The following TNIK variants were observed in gnomAD, a reference collection of about 807,000 sequenced individuals.
TNIK encodes TRAF2 and NCK interacting kinase.
In TNIK, 49 loss-of-function variants were observed where a neutral mutation model predicts 191.3. The ratio of observed to expected loss-of-function variants is 0.26; its 90% CI spans 0.20 to 0.32. The LOEUF (loss-of-function observed/expected upper bound fraction) is 0.32. Among genes scored for constraint, TNIK ranks in the 10% least tolerant of loss-of-function variants. The probability of loss-of-function intolerance (pLI) is 1.00; values close to 1 mark genes in which losing one functional copy is unlikely to be tolerated. For missense variants in TNIK, 1,155 were observed against 1,702.3 expected, an observed-to-expected ratio of 0.68 and a Z score of 5.66; for synonymous variants, 594 against 600.9, an observed-to-expected ratio of 0.99 and a Z score of 0.17.
chr3:171,409,849 T>C (rs1278439918), intron 1 of TNIK, among the ~76,000 whole-genome samples: 2 of 151,036 alleles, frequency 1.3e-5, no homozygotes, highest in African/African-American at 4.9e-5. Flanking sequence ...CAGTATATTA[T>C]GGGTTACCAT....
At chr3:171,224,606 G>A (rs1742756443) in intron 3 of TNIK, among the ~76,000 whole-genome samples, 1 of 152,122 alleles carries the variant, frequency 6.6e-6, no homozygotes, top group African/African-American at 2.4e-5. Flanking sequence ...GGCAGATTTT[G>A]AGGCTACCCC....
intron 2 of TNIK, among the ~76,000 whole-genome samples, chr3:171,279,676 A>G (rs1024235968): frequency 9.9e-5 from 15 of 151,584 alleles, no homozygotes; most frequent in African/African-American, 3.4e-4. Flanking sequence ...ATTTTTTGAC[A>G]ATAGCAATGA....
In TNIK at chr3:171,293,421, G is replaced by C. The variant is rs986804206; in HGVS notation, c.124-65200C>G. 5.3e-5 allele frequency among the ~76,000 whole-genome samples: 8 copies of C among 152,198 alleles called. No homozygotes were observed. The South Asian group carries it at 6.2e-4, about 12-fold the overall frequency. ...TAGGATGTGCACCACTGGTAAACCA[G>C]ATGACTTAAGGTGACTGAGACAGAA... is the stretch of plus-strand genomic sequence containing the variant. On this transcript the variant is annotated intron_variant, in intron 2 of 32. Transcript: ENST00000436636.
chr3:171,390,179 T>C (rs908965394), intron 1 of TNIK, among the ~76,000 whole-genome samples: 8 of 152,128 alleles, frequency 5.3e-5, no homozygotes, highest in Non-Finnish European at 1.0e-4. Context: ...GAGCAAAGCC[T>C]AGTGAGTGAG....
rs185766917 is a variant in TNIK, at chr3:171,080,468, C to T, written c.3314-816G>A. Among the ~76,000 whole-genome samples, 767 of 151,596 alleles carry T rather than the reference C, an allele frequency of 5.1e-3. 1 individual carries two copies. Among genetic ancestry groups the T allele is most frequent in the Admixed American group, 7.9e-3 (120 of 15,240 alleles). On this transcript the variant is annotated intron_variant, in intron 27 of 32. Coordinates refer to ENST00000436636, the MANE Select transcript of TNIK (RefSeq NM_015028.4). ...ATTTTTTTTTGAGACATGAGTTTCACTTTTGTCGCCAAGGCCGGAGTCCAG... is the reference window on the plus strand; with the variant it reads ...ATTTTTTTTTGAGACATGAGTTTCATTTTTGTCGCCAAGGCCGGAGTCCAG...
At chr3:171,160,425 T>C (rs940036372) in intron 11 of TNIK, among the ~76,000 whole-genome samples, 1 of 151,852 alleles carries the variant, frequency 6.6e-6, no homozygotes, top group Non-Finnish European at 1.5e-5. Flanking sequence ...CTGATCCTTC[T>C]GGAGCATTAG....
intron 2 of TNIK, among the ~76,000 whole-genome samples, chr3:171,314,040 A>C (rs1270003429): frequency 2.4e-4 from 37 of 152,172 alleles, no homozygotes; most frequent in Admixed American, 2.4e-3. Context: ...GTTGCTCCAT[A>C]AATGTTTAAT....
chr3:171,130,866 A>G (rs941726884), intron 15 of TNIK, among the ~76,000 whole-genome samples: 1 of 152,200 alleles, frequency 6.6e-6, no homozygotes, highest in Non-Finnish European at 1.5e-5. Flanking sequence ...TTTTGGCTCT[A>G]AAATACACTG....
At chr3:171,323,041 G>C (rs1240636490) in intron 2 of TNIK, among the ~76,000 whole-genome samples, 2 of 152,062 alleles carry the variant, frequency 1.3e-5, no homozygotes, top group African/African-American at 4.8e-5. Context: ...CATAAATGAA[G>C]TTTAATTGGA....
chr3:171,251,801 A>G (rs942831989), intron 2 of TNIK, among the ~76,000 whole-genome samples: 4 of 152,214 alleles, frequency 2.6e-5, no homozygotes, highest in African/African-American at 4.8e-5. Context: ...GAAAAATAAT[A>G]TGGCTCATCT....
At position 171,069,746 on chromosome 3, in the gene TNIK, C is replaced by T. The variant is rs929876179; in HGVS notation, c.3550-749G>A. On this transcript the variant is annotated intron_variant, in intron 29 of 32. Transcript: ENST00000436636. Reference sequence around the variant, plus strand: ...ATTTTCCTTTGCTATTTTTTAACCACGCTCTACCTTTGGGCCTTGAGATCT... The same window carrying T: ...ATTTTCCTTTGCTATTTTTTAACCATGCTCTACCTTTGGGCCTTGAGATCT... Among the ~76,000 whole-genome samples, 10 of 152,222 alleles carry T rather than the reference C, an allele frequency of 6.6e-5. No homozygotes were observed. The East Asian group carries it at 7.7e-4, about 12-fold the overall frequency.
At chr3:171,293,942 C>T (rs555308529) in intron 2 of TNIK, among the ~76,000 whole-genome samples, 6 of 151,952 alleles carry the variant, frequency 3.9e-5, no homozygotes, top group African/African-American at 9.7e-5. Context: ...TAAAACTGGC[C>T]GGCTGGGCGC....
At chr3:171,250,668 T>C (rs2109080518) in intron 2 of TNIK, among the ~76,000 whole-genome samples, 1 of 152,330 alleles carries the variant, frequency 6.6e-6, no homozygotes, top group African/African-American at 2.4e-5. Context: ...TCACTGGCTG[T>C]GTGACCATGA....
intron 1 of TNIK, among the ~76,000 whole-genome samples, chr3:171,400,997 G>A (rs1177670914): frequency 2.0e-5 from 3 of 152,210 alleles, no homozygotes; most frequent in African/African-American, 7.2e-5. Flanking sequence ...TCAGGCCAGT[G>A]CTCACAGGGT....
chr3:171,130,318 C>T (rs1348377581), intron 15 of TNIK, among the ~76,000 whole-genome samples: 5 of 152,162 alleles, frequency 3.3e-5, no homozygotes, highest in African/African-American at 4.8e-5. Flanking sequence ...AACAGCCCTC[C>T]TGCCTCTAGT....
chr3:171,318,324 A>G (rs1339093153), intron 2 of TNIK, among the ~76,000 whole-genome samples: 2 of 152,186 alleles, frequency 1.3e-5, no homozygotes, highest in Non-Finnish European at 1.5e-5. Flanking sequence ...CACAAGCCAA[A>G]GCATATACAC....
chr3:171,187,948 C>T (rs529083739), intron 7 of TNIK, among the ~76,000 whole-genome samples: 1 of 152,296 alleles, frequency 6.6e-6, no homozygotes, highest in African/African-American at 2.4e-5. Context: ...TCCCATTGCC[C>T]CTAATTTTAT....
chr3:171,091,721 C>A (rs775402874), intron 23 of TNIK, among the ~76,000 whole-genome samples: 5 of 151,584 alleles, frequency 3.3e-5, no homozygotes, highest in African/African-American at 7.3e-5. Context: ...GGTGACAGAG[C>A]GAGACTCCAT....
At chr3:171,218,310 CAT>C (rs1304473428) in intron 3 of TNIK, among the ~76,000 whole-genome samples, 4 of 152,070 alleles carry the variant, frequency 2.6e-5, no homozygotes, top group Non-Finnish European at 5.9e-5. Context: ...AAAAGGTTGA[CAT>C]ATGTCTTTCT....
Sources: gnomAD v4.1 joint callset for allele counts (sites outside exome capture counted in the v4.1 genomes callset) on GRCh38, gnomAD v4.1.1 for gene constraint, MANE v1.5 for transcripts, NCBI Gene and HGNC (gene_info 2026-07-23, HGNC 2026-07-21) for gene names.